DLGAP1: variants seen among roughly 807,000 people sequenced by gnomAD.
DLGAP1 encodes the protein DLG associated protein 1.
Under a neutral mutation model 90.8 loss-of-function variants are expected in DLGAP1, and 11 were observed. The observed-to-expected ratio is 0.12, with a 90% CI of 0.08 to 0.20. DLGAP1 has a LOEUF of 0.20. Ranked by LOEUF, DLGAP1 falls within the 10% of genes least tolerant of loss-of-function variation. DLGAP1 has a pLI of 1.00. For missense variants in DLGAP1, 1,050 were observed against 1,333.8 expected (o/e 0.79, Z 3.31); for synonymous variants, 558 against 540.7 (o/e 1.03, Z -0.44).
At chr18:4,085,220 A>G (rs2075665146) in intron 2 of DLGAP1, among the ~76,000 whole-genome samples, 1 of 152,198 alleles carries the variant, frequency 6.6e-6, no homozygotes, top group Non-Finnish European at 1.5e-5. Flanking sequence ...TTAAAAAATC[A>G]GGAAGCTAAT....
At chr18:4,328,398 G>T (rs1416792620) in intron 1 of DLGAP1, among the ~76,000 whole-genome samples, 2 of 151,940 alleles carry the variant, frequency 1.3e-5, no homozygotes, top group Admixed American at 6.6e-5. Flanking sequence ...TTTCATAATG[G>T]ATAGTGTTCC....
chr18:3,964,446 T>C (rs75321103), intron 3 of DLGAP1, among the ~76,000 whole-genome samples: 5,374 of 152,180 alleles, frequency 0.035, 130 homozygotes, highest in Middle Eastern at 0.13. Flanking sequence ...GTTTTGCATT[T>C]GCAGTGTTTG....
intron 10 of DLGAP1, among the ~76,000 whole-genome samples, chr18:3,533,306 T>G (rs2052135287): frequency 6.6e-6 from 1 of 152,232 alleles, no homozygotes; most frequent in Non-Finnish European, 1.5e-5. Flanking sequence ...ATTTATTTTA[T>G]GTATTCATCG....
chr18:3,499,513 C>A lies in DLGAP1; in HGVS notation c.2725-119G>T. ...TTACCTAGGGGTGGTTAGTTCTGAT[C>A]TGCACACTGCATATCTACTTTTTTC... On this transcript the variant is annotated intron_variant, in intron 12 of 12. Transcript: ENST00000315677. The surrounding 1 kb of genome is among the most constrained non-coding windows in gnomAD (Gnocchi z 6.4). 1 of 945,108 alleles carries A rather than the reference C, an allele frequency of 1.1e-6. No homozygotes were observed. The highest frequency in any genetic ancestry group is 1.6e-6 in the Non-Finnish European group (1 of 640,330). 58.5% of individuals were successfully genotyped at this position (945,108 alleles called of 1,614,324 possible).
intron 1 of DLGAP1, among the ~76,000 whole-genome samples, chr18:4,414,354 C>T (rs3911792): frequency 0.095 from 14,513 of 152,086 alleles, 2,213 homozygotes; most frequent in African/African-American, 0.33. Flanking sequence ...TTGGTGTACA[C>T]AGAATAATTG....
At chr18:4,210,955 G>T (rs1405204038) in intron 1 of DLGAP1, among the ~76,000 whole-genome samples, 1 of 152,184 alleles carries the variant, frequency 6.6e-6, no homozygotes, top group Non-Finnish European at 1.5e-5. Flanking sequence ...TGACCTTGAG[G>T]TCAGGGTTCA....
intron 9 of DLGAP1, among the ~76,000 whole-genome samples, chr18:3,559,903 G>A (rs2053978073): frequency 1.3e-5 from 2 of 151,934 alleles, no homozygotes; most frequent in South Asian, 2.1e-4. Context: ...TTACAGGCAT[G>A]AGCCACTGCT....
chr18:4,326,360 A>C (rs1327523924), intron 1 of DLGAP1, among the ~76,000 whole-genome samples: 1 of 152,106 alleles, frequency 6.6e-6, no homozygotes, highest in African/African-American at 2.4e-5. Flanking sequence ...GATCCTGGCA[A>C]GGTTGTCGAG....
At chr18:3,507,222 G>A (rs865962929) in intron 11 of DLGAP1, among the ~76,000 whole-genome samples, 2 of 151,990 alleles carry the variant, frequency 1.3e-5, no homozygotes, top group African/African-American at 2.4e-5. Context: ...GTGCGATGGC[G>A]TGCCTGTAAT....
At chr18:3,582,688 T>G (rs1036563439) in intron 7 of DLGAP1, among the ~76,000 whole-genome samples, 5 of 151,910 alleles carry the variant, frequency 3.3e-5, no homozygotes, top group African/African-American at 9.7e-5. Context: ...ATAATAAATA[T>G]GGAAAAAGAA....
At chr18:4,053,138 A>G (rs2075160499) in intron 2 of DLGAP1, among the ~76,000 whole-genome samples, 1 of 152,180 alleles carries the variant, frequency 6.6e-6, no homozygotes, top group Non-Finnish European at 1.5e-5. Flanking sequence ...CTGCAGTACC[A>G]ATTTACTATA....
At chr18:3,741,306 ACATCACCACCACCACCACCAC>A (rs1568050313) in intron 6 of DLGAP1, among the ~76,000 whole-genome samples, 3 of 77,120 alleles carry the variant, frequency 3.9e-5, no homozygotes, top group Admixed American at 1.3e-4. Flanking sequence ...CCACCACATC[ACATCACCACCACCACCACCAC>A]CATCACCACC....
chr18:3,846,683 G>A (rs760211027), intron 4 of DLGAP1, among the ~76,000 whole-genome samples: 9 of 152,148 alleles, frequency 5.9e-5, no homozygotes, highest in Non-Finnish European at 2.9e-5. Context: ...ATAATTGAAA[G>A]AGGCCAGTCT....
Position 4,084,221 on chromosome 18 carries a change from C to T in DLGAP1, c.-159+66959G>A, listed in dbSNP as rs1186373626. 7.1e-6 allele frequency among the ~76,000 whole-genome samples: 1 copy of T among 140,746 alleles called. No individual in the cohort carries two copies. Among genetic ancestry groups the T allele is most frequent in the African/African-American group, 2.6e-5 (1 of 38,524 alleles). 92.3% of individuals were successfully genotyped at this position (140,746 alleles called of 152,430 possible). A position where few individuals can be genotyped will look rare whatever the true frequency, so the allele number is the denominator to read the frequency against. On this transcript the variant is annotated intron_variant, in intron 2 of 12. Coordinates refer to ENST00000315677, the MANE Select transcript of DLGAP1 (RefSeq NM_004746.4). The surrounding 1 kb of genome is among the most constrained non-coding windows in gnomAD (Gnocchi z 4.0). Reference sequence around the variant, plus strand: ...TGTCTTAGCATAATGACTTGCAGCACGCAGTGGTTATAGTAGCATTCACGA... The same window carrying T: ...TGTCTTAGCATAATGACTTGCAGCATGCAGTGGTTATAGTAGCATTCACGA...
chr18:3,946,964 G>T (rs570401388), intron 3 of DLGAP1, among the ~76,000 whole-genome samples: 1 of 152,140 alleles, frequency 6.6e-6, no homozygotes, highest in East Asian at 1.9e-4. Context: ...ATATTTTAGG[G>T]GGGAGACTTA....
Position 3,729,263 on chromosome 18 carries a change from C to T in DLGAP1, c.1463G>A (p.Arg488His). 6.2e-7 allele frequency: 1 copy of T among 1,614,016 alleles called. No homozygotes were observed. The highest frequency in any genetic ancestry group is 8.5e-7 in the Non-Finnish European group (1 of 1,179,964). ...CCGCACATAGCTGTGGCTCCGCATGCGGAAGCAGCCGGGCATGGGCAGGTC... is the reference window on the plus strand; with the variant it reads ...CCGCACATAGCTGTGGCTCCGCATGTGGAAGCAGCCGGGCATGGGCAGGTC... ...ALDLPMPGCFRMRSHSYVRAI... is the reference protein window; with the variant it reads ...ALDLPMPGCFHMRSHSYVRAI... The change falls in exon 7 of 13, where the codon CGC becomes CAC. Residue 488 changes from arginine to histidine, a missense_variant. Transcript: ENST00000315677. This position sits in a 1 kb window ranked among gnomAD's most constrained non-coding sequence, Gnocchi z 6.2.
chr18:4,427,193 G>A (rs138441797), intron 1 of DLGAP1, among the ~76,000 whole-genome samples: 4 of 152,190 alleles, frequency 2.6e-5, no homozygotes, highest in Admixed American at 2.0e-4. Context: ...GACTGTTCCC[G>A]TGTGGTAGTG....
At chr18:3,552,294 G>C (rs2053519647) in intron 9 of DLGAP1, among the ~76,000 whole-genome samples, 1 of 151,902 alleles carries the variant, frequency 6.6e-6, no homozygotes, top group South Asian at 2.1e-4. Context: ...TAGTTTTCTG[G>C]CTCTTGTCTT....
chr18:3,720,278 AAAC>A (rs2061925062), intron 7 of DLGAP1, among the ~76,000 whole-genome samples: 1 of 152,228 alleles, frequency 6.6e-6, no homozygotes. Flanking sequence ...GAAAAAGGTA[AAAC>A]AAAATAAAAA....
Sources: gnomAD v4.1 joint callset for allele counts (sites outside exome capture counted in the v4.1 genomes callset) on GRCh38, gnomAD v4.1.1 for gene constraint, Gnocchi (gnomAD v3.1) non-coding constraint, MANE v1.5 for transcripts, NCBI Gene and HGNC (gene_info 2026-07-23, HGNC 2026-07-21) for gene names.